Variants in TMPRSS11F observed in about 807,000 individuals in gnomAD.
TMPRSS11F encodes the protein transmembrane serine protease 11F, also known as transmembrane protease serine 11F.
Under a neutral mutation model 60.2 loss-of-function variants are expected in TMPRSS11F, and 47 were observed. The observed-to-expected ratio is 0.78, with a 90% CI of 0.62 to 1.00. The LOEUF (loss-of-function observed/expected upper bound fraction) is 1.00. Ranked by LOEUF, TMPRSS11F falls within the 50% of genes least tolerant of loss-of-function variation. The pLI is 0.00. For synonymous variants in TMPRSS11F, 166 were observed against 167.3 expected (o/e 0.99, Z 0.06); for missense variants, 519 against 522.9 (o/e 0.99, Z 0.07).
In TMPRSS11F at chr4:68,072,505, G is replaced by T. The variant is rs6853151; in HGVS notation, c.351-19C>A. 3.5e-3 allele frequency: 5,157 copies of T among 1,452,708 alleles called. 147 individuals carry two copies. The African/African-American group carries it at 0.063, about 18-fold the overall frequency. 90.0% of individuals were successfully genotyped at this position (1,452,708 alleles called of 1,614,324 possible). The stretch of plus-strand genomic sequence containing the variant: ...ATCTGGACTGAAGAACAAAAAAGCA[G>T]ATAAAAATGGCATTTATCTAATCAT... On this transcript the variant is annotated intron_variant, in intron 4 of 9. Transcript: ENST00000356291.
chr4:68,061,029 AAAG>A (rs1723160535), intron 8 of TMPRSS11F, among the ~76,000 whole-genome samples: 1 of 150,496 alleles, frequency 6.6e-6, no homozygotes, highest in South Asian at 2.1e-4. Context: ...GAAGGAGAAA[AAAG>A]AAACTATTTT....
intron 1 of TMPRSS11F, 44 bp downstream of exon 1, chr4:68,129,766 C>T: frequency 1.2e-6 from 2 of 1,603,346 alleles, no homozygotes; most frequent in Non-Finnish European, 1.7e-6. Flanking sequence ...TTGTAAACCT[C>T]TGTCCCCACT....
chr4:68,093,677 A>G (rs1298708432), intron 2 of TMPRSS11F, among the ~76,000 whole-genome samples: 2 of 151,782 alleles, frequency 1.3e-5, no homozygotes, highest in East Asian at 3.9e-4. Flanking sequence ...TCCAGAATCT[A>G]CAATGAACTC....
Position 68,072,345 on chromosome 4 carries a change from G to A in TMPRSS11F, c.492C>T (p.Asn164=), listed in dbSNP as rs1723496712. The A allele has an allele frequency of 2.5e-6, 4 of 1,594,280 alleles. No individual in the cohort carries two copies. The highest frequency in any genetic ancestry group is 3.4e-6 in the Non-Finnish European group (4 of 1,169,682). The change falls in exon 5 of 10, where the codon AAC becomes AAT. Residue 164 remains asparagine, a synonymous_variant. Transcript: ENST00000356291. ...TACGTGTGAGTCTAAATGATGGTTTGTTTATGGTCAAAGACAATTGTTTGG... is the reference window on the plus strand; with the variant it reads ...TACGTGTGAGTCTAAATGATGGTTTATTTATGGTCAAAGACAATTGTTTGG... ...LKTKQLSLTI[N]KPSFRLTPID...
chr4:68,056,176 G>C (rs926464199), intron 9 of TMPRSS11F, among the ~76,000 whole-genome samples: 2 of 152,076 alleles, frequency 1.3e-5, no homozygotes, highest in Non-Finnish European at 2.9e-5. Context: ...GTTGTCGCTA[G>C]AGAAATTAGG....
At chr4:68,088,281 C>A (rs1279953792) in intron 3 of TMPRSS11F, among the ~76,000 whole-genome samples, 3 of 151,024 alleles carry the variant, frequency 2.0e-5, no homozygotes, top group Non-Finnish European at 4.4e-5. Context: ...CAACAAAGAT[C>A]AAAAGAGACA....
At chr4:68,074,081 G>C (rs1723536625) in intron 3 of TMPRSS11F, 72 bp from the exon 4 acceptor site, 13 of 942,292 alleles carry the variant, frequency 1.4e-5, no homozygotes, top group Middle Eastern at 3.4e-4. Flanking sequence ...TTTAAAAGAA[G>C]TATTAGTCTT....
intron 4 of TMPRSS11F, 86 bp downstream of exon 4, chr4:68,073,856 C>G (rs1560397375): frequency 2.6e-6 from 2 of 773,554 alleles, no homozygotes; most frequent in Non-Finnish European, 4.1e-6. Flanking sequence ...GCTGTAAAGA[C>G]TTGCTCAGGG....
chr4:68,063,292 C>A, intron 8 of TMPRSS11F: 1 of 544,944 alleles, frequency 1.8e-6, no homozygotes, highest in Non-Finnish European at 3.6e-6. Context: ...TGGACCGCAC[C>A]AACTGATGGC....
At chr4:68,092,658 T>C (rs1723967745) in intron 2 of TMPRSS11F, among the ~76,000 whole-genome samples, 1 of 152,130 alleles carries the variant, frequency 6.6e-6, no homozygotes, top group African/African-American at 2.4e-5. Flanking sequence ...TTATTAAATT[T>C]AATGAATTCA....
chr4:68,102,048 ATATT>A (rs1448265864), intron 1 of TMPRSS11F, among the ~76,000 whole-genome samples: 3 of 152,150 alleles, frequency 2.0e-5, no homozygotes, highest in African/African-American at 7.2e-5. Flanking sequence ...TTTTTAAAAA[ATATT>A]ACACATCTAA....
intron 1 of TMPRSS11F, among the ~76,000 whole-genome samples, chr4:68,120,376 C>CTTTTTT (rs34843345): frequency 7.3e-5 from 9 of 123,794 alleles, no homozygotes; most frequent in African/African-American, 2.6e-4. Context: ...ACAGAGAAAT[C>CTTTTTT]TTTTTTTTTT....
At chr4:68,099,642 AAAT>A (rs1269076266) in intron 1 of TMPRSS11F, among the ~76,000 whole-genome samples, 1 of 152,188 alleles carries the variant, frequency 6.6e-6, no homozygotes, top group African/African-American at 2.4e-5. Context: ...CTAAATTCTC[AAAT>A]AAGATTCAAT....
intron 1 of TMPRSS11F, among the ~76,000 whole-genome samples, chr4:68,122,467 A>G (rs890952390): frequency 1.3e-5 from 2 of 152,180 alleles, no homozygotes; most frequent in African/African-American, 2.4e-5. Flanking sequence ...TTCATTAAGT[A>G]TACCGAGGGA....
At chr4:68,072,623 C>A in intron 4 of TMPRSS11F, 137 bp from the exon 5 acceptor site, 1 of 512,930 alleles carries the variant, frequency 1.9e-6, no homozygotes, top group Non-Finnish European at 3.0e-6. Flanking sequence ...TCTCTGGATA[C>A]AGAGATTAAA....
chr4:68,084,345 C>G (rs1468439092), intron 3 of TMPRSS11F, among the ~76,000 whole-genome samples: 7 of 152,064 alleles, frequency 4.6e-5, no homozygotes, highest in Admixed American at 4.6e-4. Flanking sequence ...TATAAGACAA[C>G]AATCCTCAAG....
chr4:68,058,000 G>T (rs1723082458), intron 9 of TMPRSS11F, among the ~76,000 whole-genome samples: 1 of 152,180 alleles, frequency 6.6e-6, no homozygotes, highest in South Asian at 2.1e-4. Flanking sequence ...TTACCTATAT[G>T]TGCAATCTAA....
At position 68,054,017 on chromosome 4, in the gene TMPRSS11F, A is replaced by G. The variant is rs1560388950; in HGVS notation, c.1209T>C (p.Ile403=). 6.2e-7 allele frequency: 1 copy of G among 1,613,498 alleles called. No homozygotes were observed. The highest frequency in any genetic ancestry group is 1.1e-5 in the South Asian group (1 of 91,044). Residue 403 remains isoleucine, a synonymous_variant, in exon 10 of 10, where the codon ATT becomes ATC. Coordinates refer to ENST00000356291, the MANE Select transcript of TMPRSS11F (RefSeq NM_207407.2). ...LVYDNHDIWY[I]VGIVSWGQSC... ...ATTGTCCCCAACTTACTATACCTAC[A>G]ATGTACCAGATGTCATGATTATCAT... is the stretch of plus-strand genomic sequence containing the variant.
chr4:68,072,550 G>A, intron 4 of TMPRSS11F, 64 bp from the exon 5 acceptor site: 1 of 1,275,862 alleles, frequency 7.8e-7, no homozygotes, highest in East Asian at 2.6e-5. Context: ...TAACTTATTA[G>A]GACTCACATT....
Sources: allele counts gnomAD v4.1 joint callset (sites outside exome capture counted in the v4.1 genomes callset), GRCh38; gene constraint gnomAD v4.1.1; transcripts MANE v1.5; gene names NCBI Gene and HGNC (gene_info 2026-07-23, HGNC 2026-07-21).